AVEN: variants seen among roughly 807,000 people sequenced by gnomAD.
AVEN encodes the protein cell death regulator Aven.
In AVEN, 41 loss-of-function variants were observed where a neutral mutation model predicts 38.1. The observed-to-expected ratio is 1.08, with a 90% CI of 0.84 to 1.40. The LOEUF (loss-of-function observed/expected upper bound fraction) is 1.40. Ranked by LOEUF, AVEN falls within the 40% of genes most tolerant of loss-of-function variation. The probability of loss-of-function intolerance (pLI) is 0.00; values close to 1 mark genes in which losing one functional copy is unlikely to be tolerated. For missense variants in AVEN, 605 were observed against 438.8 expected (o/e 1.38, Z -3.38); for synonymous variants, 206 against 171.8 (o/e 1.20, Z -1.56).
chr15:34,055,227 G>A lies in AVEN; in HGVS notation n.1637+7695C>T, dbSNP rs565473321. Among the ~76,000 whole-genome samples, 34 of 151,262 alleles carry A rather than the reference G, an allele frequency of 2.2e-4. No individual in the cohort carries two copies. The South Asian group carries it at 6.7e-3, about 30-fold the overall frequency. ...AAAGTAAATAAACAAGGCCAGGCCCGGTAGCTCGCACCTGTAATCCCAGCA... is the reference window on the plus strand; with the variant it reads ...AAAGTAAATAAACAAGGCCAGGCCCAGTAGCTCGCACCTGTAATCCCAGCA... On this transcript the variant is annotated intron_variant and non_coding_transcript_variant, in intron 5 of 11. Transcript: ENST00000675287.
intron 1 of AVEN, among the ~76,000 whole-genome samples, chr15:34,033,702 G>T (rs1372701919): frequency 6.6e-6 from 1 of 152,236 alleles, no homozygotes; most frequent in East Asian, 1.9e-4. Context: ...GTTGAATAAG[G>T]TTCTGTGGGA....
chr15:33,997,455 G>A (rs917998771), intron 2 of AVEN, among the ~76,000 whole-genome samples: 3 of 151,998 alleles, frequency 2.0e-5, no homozygotes, highest in African/African-American at 4.8e-5. Flanking sequence ...CTCCAAAGAC[G>A]AGGTCTCCAC....
At chr15:33,914,655 G>C (rs763607014) in intron 2 of AVEN, among the ~76,000 whole-genome samples, 1 of 150,808 alleles carries the variant, frequency 6.6e-6, no homozygotes, top group Non-Finnish European at 1.5e-5. Flanking sequence ...ACTGCTGAGT[G>C]ACAAGGTTCT....
At chr15:33,918,733 G>A (rs1321203810) in intron 2 of AVEN, among the ~76,000 whole-genome samples, 1 of 151,888 alleles carries the variant, frequency 6.6e-6, no homozygotes, top group African/African-American at 2.4e-5. Flanking sequence ...GGGATTATAG[G>A]CAAGAGCCAC....
At chr15:33,954,503 G>A (rs1274977266) in intron 2 of AVEN, among the ~76,000 whole-genome samples, 2 of 152,060 alleles carry the variant, frequency 1.3e-5, no homozygotes, top group Non-Finnish European at 2.9e-5. Context: ...TCCTTTGCAG[G>A]GACATGGATG....
At chr15:33,957,287 C>T (rs1008553062) in intron 2 of AVEN, among the ~76,000 whole-genome samples, 7 of 152,290 alleles carry the variant, frequency 4.6e-5, no homozygotes, top group African/African-American at 1.7e-4. Flanking sequence ...CAAAGGGTAA[C>T]ACTGCCAAGC....
chr15:33,870,174 T>C (rs1890876896), intron 4 of AVEN, among the ~76,000 whole-genome samples: 1 of 152,078 alleles, frequency 6.6e-6, no homozygotes, highest in Admixed American at 6.6e-5. Context: ...AGTACAGCCC[T>C]CTCCTCTGCC....
At chr15:34,023,615 G>A (rs963550749) in intron 1 of AVEN, among the ~76,000 whole-genome samples, 2 of 152,078 alleles carry the variant, frequency 1.3e-5, no homozygotes, top group African/African-American at 4.8e-5. Flanking sequence ...AAAGATGGAA[G>A]AAAATAAAAA....
chr15:34,072,567 G>GCA (rs376183034), intron 1 of AVEN, among the ~76,000 whole-genome samples: 149,875 of 149,926 alleles, frequency 1, 74,912 homozygotes, highest in Middle Eastern at 1. Flanking sequence ...TCAAGATCTG[G>GCA]CCACTGCACT....
At chr15:33,993,178 A>C (rs536589032) in intron 2 of AVEN, among the ~76,000 whole-genome samples, 6 of 152,336 alleles carry the variant, frequency 3.9e-5, no homozygotes, top group African/African-American at 1.4e-4. Context: ...GGGCAGAAGA[A>C]ATTTCTCATA....
intron 2 of AVEN, among the ~76,000 whole-genome samples, chr15:33,946,462 T>C (rs1894512007): frequency 1.3e-5 from 2 of 152,124 alleles, no homozygotes; most frequent in Admixed American, 6.5e-5. Flanking sequence ...GGCAAGCAAT[T>C]CCTGGATGCC....
the AVEN span, chr15:33,853,001 G>T: frequency 1.3e-6 from 2 of 1,538,844 alleles, no homozygotes; most frequent in East Asian, 2.3e-5. Context: ...TGTTTTCCTT[G>T]ATGTTAAGAA....
At chr15:34,003,261 A>C (rs776206977) in intron 1 of AVEN, 52 bp from the exon 2 acceptor site, 2 of 1,560,498 alleles carry the variant, frequency 1.3e-6, no homozygotes, top group Non-Finnish European at 1.7e-6. Flanking sequence ...TCCTGACCTT[A>C]GTAGACTTCC....
chr15:33,976,877 T>C (rs1895911011), intron 2 of AVEN, among the ~76,000 whole-genome samples: 1 of 152,200 alleles, frequency 6.6e-6, no homozygotes, highest in Admixed American at 6.5e-5. Flanking sequence ...ATGCCTTTTC[T>C]TCCCATCCCT....
At chr15:33,903,432 A>C (rs1892567268) in intron 2 of AVEN, among the ~76,000 whole-genome samples, 6 of 152,218 alleles carry the variant, frequency 3.9e-5, no homozygotes, top group Admixed American at 3.9e-4. Flanking sequence ...GAGAGGTTGT[A>C]AGCTGCCCAA....
chr15:34,035,646 G>A (rs1413004432), intron 1 of AVEN, among the ~76,000 whole-genome samples: 1 of 152,130 alleles, frequency 6.6e-6, no homozygotes, highest in Non-Finnish European at 1.5e-5. Flanking sequence ...GTGAATTACT[G>A]TTATTACTAG....
intron 2 of AVEN, among the ~76,000 whole-genome samples, chr15:33,933,574 G>A (rs1171478661): frequency 7.6e-6 from 1 of 131,022 alleles, no homozygotes; most frequent in Non-Finnish European, 1.6e-5. Flanking sequence ...GAGAGAGAGA[G>A]AGAGAGAACT....
At chr15:33,904,632 C>T (rs1264942622) in intron 2 of AVEN, among the ~76,000 whole-genome samples, 3 of 150,074 alleles carry the variant, frequency 2.0e-5, no homozygotes, top group African/African-American at 5.0e-5. Flanking sequence ...AGGCTGGTCT[C>T]GAACTCCTGA....
intron 1 of AVEN, among the ~76,000 whole-genome samples, chr15:34,030,415 G>A (rs986015997): frequency 1.6e-4 from 25 of 151,566 alleles, no homozygotes; most frequent in African/African-American, 4.4e-4. Flanking sequence ...GCGCAATCTC[G>A]CTTCACTGCA....
Sources: allele counts gnomAD v4.1 joint callset (sites outside exome capture counted in the v4.1 genomes callset), GRCh38; gene constraint gnomAD v4.1.1; transcripts MANE v1.5; gene names NCBI Gene and HGNC (gene_info 2026-07-23, HGNC 2026-07-21).